Variants in SCLY observed in about 807,000 individuals in gnomAD.
SCLY encodes selenocysteine lyase, also known as putative selenocysteine lyase.
Under a neutral mutation model 50.1 loss-of-function variants are expected in SCLY, and 38 were observed. The observed-to-expected ratio is 0.76, with a 90% CI of 0.59 to 0.99. The LOEUF (loss-of-function observed/expected upper bound fraction) is 0.99. Ranked by LOEUF, SCLY falls within the 50% of genes least tolerant of loss-of-function variation. The probability of loss-of-function intolerance (pLI) is 0.00; values close to 1 mark genes in which losing one functional copy is unlikely to be tolerated. For synonymous variants in SCLY, 243 were observed against 249.4 expected, an observed-to-expected ratio of 0.97 and a Z score of 0.24; for missense variants, 600 against 620.0, an observed-to-expected ratio of 0.97 and a Z score of 0.34.
rs1390775301 is a variant in SCLY, at chr2:238,083,437, G to A, written c.884+83G>A. The A allele has an allele frequency of 5.6e-6, 6 of 1,062,398 alleles. No individual in the cohort carries two copies. Among genetic ancestry groups the A allele is most frequent in the Non-Finnish European group, 7.3e-6 (5 of 681,460 alleles). 65.8% of individuals were successfully genotyped at this position (1,062,398 alleles called of 1,614,324 possible). On this transcript the variant is annotated intron_variant, in intron 7 of 11. Coordinates refer to ENST00000254663, the MANE Select transcript of SCLY (RefSeq NM_016510.7). This position sits in a 1 kb window ranked among gnomAD's most constrained non-coding sequence, Gnocchi z 4.3. ...TGACATTGTAAAGAAACATGGCGCT[G>A]TTTCTTGGTCTCGTGGAGGCTCTGT...
chr2:238,076,226 G>T (rs2106442323), intron 4 of SCLY, among the ~76,000 whole-genome samples: 1 of 151,846 alleles, frequency 6.6e-6, no homozygotes, highest in South Asian at 2.1e-4. Flanking sequence ...CAAGTAACTG[G>T]GATTACAGAC....
Position 238,083,394 on chromosome 2 carries a change from G to A in SCLY, c.884+40G>A, listed in dbSNP as rs573704237. ...TAACAAAGTCTCTGACCTACTGACCGTGTCATTTGTAGAGCAGTGACATTG... is the reference window on the plus strand; with the variant it reads ...TAACAAAGTCTCTGACCTACTGACCATGTCATTTGTAGAGCAGTGACATTG... On this transcript the variant is annotated intron_variant, in intron 7 of 11. Coordinates refer to ENST00000254663, the MANE Select transcript of SCLY (RefSeq NM_016510.7). This position sits in a 1 kb window ranked among gnomAD's most constrained non-coding sequence, Gnocchi z 4.3. 6.9e-5 allele frequency: 96 copies of A among 1,389,750 alleles called. 2 individuals carry two copies. The highest frequency in any genetic ancestry group is 2.7e-4 in the South Asian group (23 of 86,480). The allele number at this position is 1,389,750 out of a possible 1,614,324, so 86.1% of individuals were successfully genotyped here.
intron 8 of SCLY, 97 bp from the exon 9 acceptor site, chr2:238,093,764 G>C (rs2065394165): frequency 9.2e-7 from 1 of 1,089,970 alleles, no homozygotes; most frequent in South Asian, 1.4e-5. Context: ...AGGAGAATGA[G>C]CAGTTTCAGG....
chr2:238,084,404 G>A (rs2248825), intron 7 of SCLY, among the ~76,000 whole-genome samples: 130,595 of 151,832 alleles, frequency 0.86, 56,310 homozygotes, highest in East Asian at 0.97. Context: ...CAGCCTGGCC[G>A]AGATGGTAAA....
At position 238,098,579 on chromosome 2, in the gene SCLY, G is replaced by GACCGCCCACATAGGACCGCCCACATAGA. The variant is rs1691307308; in HGVS notation, c.*251_*252insAACCGCCCACATAGGACCGCCCACATAG. 2.5e-6 allele frequency: 1 copy of GACCGCCCACATAGGACCGCCCACATAGA among 394,308 alleles called. No individual in the cohort carries two copies. The highest frequency in any genetic ancestry group is 5.0e-5 in the East Asian group (1 of 20,188). 24.4% of individuals were successfully genotyped at this position (394,308 alleles called of 1,614,324 possible). On this transcript the variant is annotated 3_prime_UTR_variant, in exon 12 of 12. Coordinates refer to ENST00000254663, the MANE Select transcript of SCLY (RefSeq NM_016510.7). ...ACGCCGCATAGGACTGCCCACATGG[G>GACCGCCCACATAGGACCGCCCACATAGA]ACCGCCCACATAGGACCGCCCACAT...
At chr2:238,094,692 G>A in intron 10 of SCLY, 170 bp downstream of exon 10, 1 of 610,084 alleles carries the variant, frequency 1.6e-6, no homozygotes. Context: ...GCTGTGCTGT[G>A]GTCCACAGGG....
chr2:238,097,045 C>G (rs1048541919), intron 11 of SCLY, among the ~76,000 whole-genome samples, 169 bp downstream of exon 11: 1 of 152,136 alleles, frequency 6.6e-6, no homozygotes, highest in Non-Finnish European at 1.5e-5. Context: ...AAGTGACTTC[C>G]AAGCTGCCAT....
chr2:238,085,098 A>T (rs935701228), intron 7 of SCLY, among the ~76,000 whole-genome samples: 1 of 152,198 alleles, frequency 6.6e-6, no homozygotes, highest in Admixed American at 6.5e-5. Flanking sequence ...AAAGATTTCA[A>T]ATTGAATGAA....
At chr2:238,078,203 C>T (rs1481581655) in intron 4 of SCLY, among the ~76,000 whole-genome samples, 5 of 152,166 alleles carry the variant, frequency 3.3e-5, no homozygotes, top group Non-Finnish European at 7.3e-5. Flanking sequence ...ATCCATCTAC[C>T]TTGGCCTCCC....
intron 7 of SCLY, among the ~76,000 whole-genome samples, chr2:238,086,282 C>T (rs2065296966): frequency 6.6e-6 from 1 of 152,088 alleles, no homozygotes; most frequent in South Asian, 2.1e-4. Context: ...CGTTTGATAG[C>T]AGAAGCAAAA....
chr2:238,061,939 A>G (rs2065022828), intron 1 of SCLY, among the ~76,000 whole-genome samples: 1 of 152,134 alleles, frequency 6.6e-6, no homozygotes, highest in Admixed American at 6.5e-5. Context: ...TTCGCTACCC[A>G]TGCTTAGAAT....
At chr2:238,089,460 T>C (rs911812225) in intron 7 of SCLY, among the ~76,000 whole-genome samples, 3 of 152,038 alleles carry the variant, frequency 2.0e-5, no homozygotes, top group Non-Finnish European at 1.5e-5. Flanking sequence ...AGATGAAAGT[T>C]AGCCTTTCAA....
rs1324169540 is a variant in SCLY, at chr2:238,067,330, T to C, written c.203-735T>C. ...TCTTTTTTATGATGTTTCGTAATAG[T>C]ATATGTTTTAGCGGTGCCTGCTCAA... On this transcript the variant is annotated intron_variant, in intron 2 of 11. Coordinates refer to ENST00000254663, the MANE Select transcript of SCLY (RefSeq NM_016510.7). This position sits in a 1 kb window ranked among gnomAD's most constrained non-coding sequence, Gnocchi z 4.3. 2.0e-5 allele frequency among the ~76,000 whole-genome samples: 3 copies of C among 152,258 alleles called. No homozygotes were observed. The highest frequency in any genetic ancestry group is 4.4e-5 in the Non-Finnish European group (3 of 68,036).
At position 238,098,665 on chromosome 2, in the gene SCLY, C is replaced by CGCCCACATAGGAA. The variant is rs1691357387; in HGVS notation, c.*310_*311insGCCCACATAGGAA. 1.1e-5 allele frequency: 4 copies of CGCCCACATAGGAA among 359,212 alleles called. No individual in the cohort carries two copies. Among genetic ancestry groups the CGCCCACATAGGAA allele is most frequent in the African/African-American group, 1.0e-4 (4 of 39,530 alleles). The allele number at this position is 359,212 out of a possible 1,614,324, so 22.3% of individuals were successfully genotyped here. A position where few individuals can be genotyped will look rare whatever the true frequency, so the allele number is the denominator to read the frequency against. ...CCCACATGGGACCGCCCACATAGAA[C>CGCCCACATAGGAA]CGTCCTCCAGTGGTGAAGCGGAAAC... On this transcript the variant is annotated 3_prime_UTR_variant, in exon 12 of 12. Transcript: ENST00000254663.
rs575493432 is a variant in SCLY, at chr2:238,066,860, C to T, written c.203-1205C>T. ...CATGGCTGGGGAGGCCCCACAATCA[C>T]GGAGGAAGGCGAAAGAGGAGCAAAG... On this transcript the variant is annotated intron_variant, in intron 2 of 11. Coordinates refer to ENST00000254663, the MANE Select transcript of SCLY (RefSeq NM_016510.7). The surrounding 1 kb of genome is among the most constrained non-coding windows in gnomAD (Gnocchi z 4.1). Among the ~76,000 whole-genome samples the T allele has an allele frequency of 5.3e-5, 8 of 152,272 alleles. No individual in the cohort carries two copies. The highest frequency in any genetic ancestry group is 2.1e-4 in the South Asian group (1 of 4,832).
Position 238,061,005 on chromosome 2 carries a change from G to T in SCLY, c.-50G>T, listed in dbSNP as rs2106432373. On this transcript the variant is annotated 5_prime_UTR_variant, in exon 1 of 12. Coordinates refer to ENST00000254663, the MANE Select transcript of SCLY (RefSeq NM_016510.7). ...GCCTCCTCCCCGGCGCTCTGGGCCC[G>T]TAGCGCTCCGCGGGAAGGAGGCTGG... 1.5e-6 allele frequency: 2 copies of T among 1,317,840 alleles called. No homozygotes were observed. The highest frequency in any genetic ancestry group is 1.9e-6 in the Non-Finnish European group (2 of 1,027,098). The allele number at this position is 1,317,840 out of a possible 1,614,324, so 81.6% of individuals were successfully genotyped here.
At chr2:238,063,177 A>G (rs1480571324) in intron 1 of SCLY, among the ~76,000 whole-genome samples, 1 of 151,998 alleles carries the variant, frequency 6.6e-6, no homozygotes, top group Non-Finnish European at 1.5e-5. Context: ...CCAGAAAGGA[A>G]GGCGGGAAGG....
rs947314672 is a variant in SCLY at position 238,099,202 on chromosome 2, T to C, written c.*847T>C. ...GGGTGGGAATCGGATCATCCCTGAC[T>C]CAGCTTTTACCTTAATTTTATTTGC... is the stretch of plus-strand genomic sequence containing the variant. On this transcript the variant is annotated 3_prime_UTR_variant, in exon 12 of 12. Transcript: ENST00000254663. 2.1e-6 allele frequency: 1 copy of C among 470,296 alleles called. No individual in the cohort carries two copies. The highest frequency in any genetic ancestry group is 4.4e-6 in the Non-Finnish European group (1 of 226,472). 29.1% of individuals were successfully genotyped at this position (470,296 alleles called of 1,614,324 possible).
intron 4 of SCLY, among the ~76,000 whole-genome samples, chr2:238,076,147 G>A (rs908848134): frequency 5.3e-5 from 8 of 149,550 alleles, no homozygotes; most frequent in African/African-American, 9.9e-5. Context: ...GCTGAAGTAC[G>A]GTGACACAAT....
Sources: gnomAD v4.1 joint callset for allele counts (sites outside exome capture counted in the v4.1 genomes callset) on GRCh38, gnomAD v4.1.1 for gene constraint, Gnocchi (gnomAD v3.1) non-coding constraint, MANE v1.5 for transcripts, NCBI Gene and HGNC (gene_info 2026-07-23, HGNC 2026-07-21) for gene names.